Variants in HS6ST3 observed in about 807,000 individuals in gnomAD.
HS6ST3 encodes heparan sulfate 6-O-sulfotransferase 3.
HS6ST3 carries 12 observed loss-of-function variants against 36.7 expected under a neutral mutation model. The observed-to-expected ratio is 0.33, with a 90% CI of 0.21 to 0.53. The LOEUF (loss-of-function observed/expected upper bound fraction) is 0.53. HS6ST3 is among the 20% of genes least tolerant of loss of function. The pLI is 0.95. For synonymous variants in HS6ST3, 240 were observed against 257.5 expected, an observed-to-expected ratio of 0.93 and a Z score of 0.65; for missense variants, 584 against 640.9, an observed-to-expected ratio of 0.91 and a Z score of 0.96.
intron 1 of HS6ST3, among the ~76,000 whole-genome samples, chr13:96,346,566 C>T (rs1483579396): frequency 1.7e-5 from 2 of 119,272 alleles, no homozygotes; most frequent in African/African-American, 5.5e-5. Context: ...CAGAGAGACT[C>T]CGTCTCAAAA....
chr13:96,182,609 T>A (rs560852798), intron 1 of HS6ST3, among the ~76,000 whole-genome samples: 1 of 152,238 alleles, frequency 6.6e-6, no homozygotes, highest in Admixed American at 6.5e-5. Context: ...TTGTCGTTAC[T>A]TTGCCTTTTC....
intron 1 of HS6ST3, among the ~76,000 whole-genome samples, chr13:96,301,360 AT>A (rs1426065577): frequency 6.6e-6 from 1 of 152,180 alleles, no homozygotes. Context: ...AAGTAATAAG[AT>A]GAACTAGGAA....
chr13:96,234,469 T>G (rs1320048435), intron 1 of HS6ST3, among the ~76,000 whole-genome samples: 1 of 152,082 alleles, frequency 6.6e-6, no homozygotes, highest in African/African-American at 2.4e-5. Flanking sequence ...TACCCAAGAC[T>G]GGGTAATTTA....
At chr13:96,543,999 C>T (rs1366107759) in intron 1 of HS6ST3, among the ~76,000 whole-genome samples, 1 of 151,112 alleles carries the variant, frequency 6.6e-6, no homozygotes, top group Non-Finnish European at 1.5e-5. Context: ...GGCACTAGTT[C>T]AGGGTAAGGG....
chr13:96,313,068 T>C (rs2054949943), intron 1 of HS6ST3, among the ~76,000 whole-genome samples: 1 of 152,018 alleles, frequency 6.6e-6, no homozygotes, highest in South Asian at 2.1e-4. Flanking sequence ...TTAAAATGTA[T>C]TTGTTAGTAT....
Position 96,837,139 on chromosome 13 carries a change from T to A in HS6ST3, c.*3941T>A, listed in dbSNP as rs1594871891. ...AGGTTCTGTTATTAAAGAAACAATG[T>A]GAAATAATGTGGAAATTAATACTGA... On this transcript the variant is annotated 3_prime_UTR_variant, in exon 2 of 2. Transcript: ENST00000376705. The A allele has an allele frequency of 6.6e-6, 1 of 152,206 alleles. No individual in the cohort carries two copies. Among genetic ancestry groups the A allele is most frequent in the East Asian group, 1.9e-4 (1 of 5,200 alleles). 9.4% of individuals were successfully genotyped at this position (152,206 alleles called of 1,614,324 possible).
intron 1 of HS6ST3, among the ~76,000 whole-genome samples, chr13:96,375,063 A>G (rs1458763160): frequency 6.6e-6 from 1 of 151,920 alleles, no homozygotes; most frequent in East Asian, 1.9e-4. Flanking sequence ...TCTTGCTTCC[A>G]TTCTTGTCCC....
intron 1 of HS6ST3, among the ~76,000 whole-genome samples, chr13:96,488,857 C>A (rs1056011530): frequency 6.6e-6 from 1 of 152,022 alleles, no homozygotes; most frequent in Non-Finnish European, 1.5e-5. Flanking sequence ...TATTTCCTAT[C>A]ACTCACCACA....
intron 1 of HS6ST3, among the ~76,000 whole-genome samples, chr13:96,664,710 A>G (rs2056657695): frequency 6.6e-6 from 1 of 152,140 alleles, no homozygotes; most frequent in Non-Finnish European, 1.5e-5. Flanking sequence ...TTCTTTCCTA[A>G]GACAGTATCA....
At chr13:96,810,377 G>A (rs1204674648) in intron 1 of HS6ST3, among the ~76,000 whole-genome samples, 1 of 152,122 alleles carries the variant, frequency 6.6e-6, no homozygotes, top group African/African-American at 2.4e-5. Context: ...AGGCACATTG[G>A]AAGTGTTCCA....
intron 1 of HS6ST3, among the ~76,000 whole-genome samples, chr13:96,492,442 T>C (rs1566376558): frequency 6.6e-6 from 1 of 152,234 alleles, no homozygotes; most frequent in Non-Finnish European, 1.5e-5. Flanking sequence ...TCCCTCACCC[T>C]GACCTGGTCC....
At chr13:96,266,702 TA>T (rs987710732) in intron 1 of HS6ST3, among the ~76,000 whole-genome samples, 2 of 152,102 alleles carry the variant, frequency 1.3e-5, no homozygotes, top group Non-Finnish European at 2.9e-5. Context: ...AATGTTGGAT[TA>T]AAAAAATACA....
chr13:96,603,547 A>G (rs1302888334), intron 1 of HS6ST3, among the ~76,000 whole-genome samples: 1 of 152,070 alleles, frequency 6.6e-6, no homozygotes, highest in Non-Finnish European at 1.5e-5. Flanking sequence ...CTTTGTAGGT[A>G]TATGTATTCT....
chr13:96,202,115 C>T (rs2054345166), intron 1 of HS6ST3, among the ~76,000 whole-genome samples: 1 of 152,120 alleles, frequency 6.6e-6, no homozygotes, highest in Admixed American at 6.6e-5. Context: ...ATTGCAGTGG[C>T]TATAAAAAAT....
chr13:96,347,781 G>A (rs940554871), intron 1 of HS6ST3, among the ~76,000 whole-genome samples: 2 of 152,142 alleles, frequency 1.3e-5, no homozygotes, highest in Admixed American at 6.5e-5. Flanking sequence ...GATCCCAGTC[G>A]AATGATACTC....
intron 1 of HS6ST3, among the ~76,000 whole-genome samples, chr13:96,790,901 T>C (rs562335359): frequency 1.3e-5 from 2 of 152,184 alleles, no homozygotes; most frequent in South Asian, 2.1e-4. Flanking sequence ...CATTTAAACA[T>C]TTCCCTTGGA....
intron 1 of HS6ST3, among the ~76,000 whole-genome samples, chr13:96,784,840 A>T (rs2138516142): frequency 6.6e-6 from 1 of 152,278 alleles, no homozygotes; most frequent in South Asian, 2.1e-4. Context: ...TATAACAGGG[A>T]TTAAATGCTT....
intron 1 of HS6ST3, among the ~76,000 whole-genome samples, chr13:96,696,782 A>G (rs1256453278): frequency 1.3e-5 from 2 of 152,304 alleles, no homozygotes; most frequent in East Asian, 1.9e-4. Flanking sequence ...ATGGGTTTTG[A>G]CAGACAAGAG....
At chr13:96,621,280 T>C (rs1416264327) in intron 1 of HS6ST3, among the ~76,000 whole-genome samples, 1 of 152,218 alleles carries the variant, frequency 6.6e-6, no homozygotes, top group Non-Finnish European at 1.5e-5. Context: ...GGGAGGGACC[T>C]TGTGGGAAGT....
Sources: allele counts gnomAD v4.1 joint callset (sites outside exome capture counted in the v4.1 genomes callset), GRCh38; gene constraint gnomAD v4.1.1; transcripts MANE v1.5; gene names NCBI Gene and HGNC (gene_info 2026-07-23, HGNC 2026-07-21).